HCN1: variants seen among roughly 807,000 people sequenced by gnomAD.
HCN1 encodes the protein potassium/sodium hyperpolarization-activated cyclic nucleotide-gated channel 1.
Under a neutral mutation model 78.9 loss-of-function variants are expected in HCN1, and 13 were observed. That is an observed-to-expected ratio of 0.16 (90% CI 0.11 to 0.26). The LOEUF is 0.26. Among genes scored for constraint, HCN1 ranks in the 10% least tolerant of loss-of-function variants. The pLI is 1.00. For synonymous variants in HCN1, 552 were observed against 455.5 expected, an observed-to-expected ratio of 1.21 and a Z score of -2.70; for missense variants, 810 against 1,154.3, an observed-to-expected ratio of 0.70 and a Z score of 4.32.
chr5:45,300,641 T>C (rs1745594649), intron 6 of HCN1, among the ~76,000 whole-genome samples: 1 of 152,144 alleles, frequency 6.6e-6, no homozygotes, highest in Non-Finnish European at 1.5e-5. Context: ...TAGGCTACTA[T>C]TGTCAAGATT....
Position 45,261,954 on chromosome 5 carries a change from G to C in HCN1, c.2640C>G (p.Asp880Glu). ...ESSSVLNTDPDAEKPRFASNL is the reference protein window; with the variant it reads ...ESSSVLNTDPEAEKPRFASNL ...TTGAAGCAAATCGTGGCTTTTCTGC[G>C]TCTGGGTCTGTGTTTAAGACTGAGG... Residue 880 changes from aspartate to glutamate, a missense_variant, in exon 8 of 8, where the codon GAC becomes GAG. Physicochemically the swap from Asp to Glu is conservative, Grantham distance 45 (BLOSUM62 2). Around this residue, in one of 6 missense-constraint regions of HCN1, gnomAD observed 398 missense variants for 381.3 expected, o/e 1.04. Coordinates refer to ENST00000303230, the MANE Select transcript of HCN1 (RefSeq NM_021072.4). The C allele has an allele frequency of 6.2e-7, 1 of 1,614,082 alleles. No homozygotes were observed. Among genetic ancestry groups the C allele is most frequent in the Non-Finnish European group, 8.5e-7 (1 of 1,180,024 alleles).
intron 6 of HCN1, among the ~76,000 whole-genome samples, chr5:45,270,546 T>A (rs576368251): frequency 1.3e-5 from 2 of 152,318 alleles, no homozygotes; most frequent in South Asian, 4.1e-4. Flanking sequence ...TAGAAACATG[T>A]CCCTTTGTCT....
chr5:45,328,450 C>A (rs1746278158), intron 5 of HCN1, among the ~76,000 whole-genome samples: 1 of 151,538 alleles, frequency 6.6e-6, no homozygotes, highest in African/African-American at 2.4e-5. Flanking sequence ...AACTTAATTA[C>A]CTCTTCAAAT....
chr5:45,444,437 A>T (rs1740743173), intron 3 of HCN1, among the ~76,000 whole-genome samples: 1 of 152,160 alleles, frequency 6.6e-6, no homozygotes, highest in Non-Finnish European at 1.5e-5. Context: ...TTTTAATAAA[A>T]ATATTATTGT....
intron 2 of HCN1, among the ~76,000 whole-genome samples, chr5:45,591,585 G>T (rs775936610): frequency 2.0e-5 from 3 of 152,138 alleles, no homozygotes; most frequent in Non-Finnish European, 2.9e-5. Context: ...TGAAGTGTTT[G>T]TTAAGGTCTT....
At chr5:45,496,655 G>A (rs1307147652) in intron 2 of HCN1, among the ~76,000 whole-genome samples, 2 of 152,062 alleles carry the variant, frequency 1.3e-5, no homozygotes, top group African/African-American at 4.8e-5. Context: ...CAAAAAACCA[G>A]CTCCTGGATT....
At chr5:45,510,453 T>C (rs993875411) in intron 2 of HCN1, among the ~76,000 whole-genome samples, 2 of 152,094 alleles carry the variant, frequency 1.3e-5, no homozygotes, top group Non-Finnish European at 2.9e-5. Context: ...GCTCCTACTA[T>C]AGAGTCCGGC....
intron 2 of HCN1, among the ~76,000 whole-genome samples, chr5:45,609,066 G>A (rs1236477560): frequency 6.6e-6 from 1 of 152,012 alleles, no homozygotes; most frequent in Non-Finnish European, 1.5e-5. Flanking sequence ...ATGAAAAGAA[G>A]ACAGTATTAT....
intron 5 of HCN1, among the ~76,000 whole-genome samples, chr5:45,321,376 C>T (rs186597885): frequency 6.2e-4 from 94 of 151,810 alleles, no homozygotes; most frequent in Non-Finnish European, 1.1e-3. Context: ...GAAAGTGGTG[C>T]TTAGAGAGAG....
chr5:45,472,691 CTATA>C, intron 2 of HCN1, among the ~76,000 whole-genome samples: 1 of 151,586 alleles, frequency 6.6e-6, no homozygotes, highest in Non-Finnish European at 1.5e-5. Flanking sequence ...TTTGGTATGA[CTATA>C]TATTGTTTCC....
chr5:45,386,410 T>C (rs1017276776), intron 4 of HCN1, among the ~76,000 whole-genome samples: 4 of 151,934 alleles, frequency 2.6e-5, no homozygotes, highest in African/African-American at 4.8e-5. Flanking sequence ...AACTCCCTGG[T>C]TCAAGCAATC....
At chr5:45,599,580 G>A (rs1284492398) in intron 2 of HCN1, among the ~76,000 whole-genome samples, 1 of 152,008 alleles carries the variant, frequency 6.6e-6, no homozygotes, top group Admixed American at 6.6e-5. Flanking sequence ...AAACTGCTGA[G>A]GCTACCACTT....
chr5:45,337,840 T>C (rs1262640907), intron 5 of HCN1, among the ~76,000 whole-genome samples: 2 of 152,092 alleles, frequency 1.3e-5, no homozygotes, highest in Non-Finnish European at 2.9e-5. Context: ...ATTTGAACAA[T>C]AAGAATGGGC....
intron 6 of HCN1, among the ~76,000 whole-genome samples, chr5:45,275,599 T>G (rs1745040203): frequency 6.6e-6 from 1 of 152,178 alleles, no homozygotes; most frequent in Non-Finnish European, 1.5e-5. Context: ...AAATCAGCTT[T>G]ACATAATACT....
At chr5:45,371,268 C>A (rs533479727) in intron 4 of HCN1, among the ~76,000 whole-genome samples, 6 of 151,958 alleles carry the variant, frequency 3.9e-5, no homozygotes, top group Non-Finnish European at 7.4e-5. Flanking sequence ...CAGGAAATAA[C>A]CAAAATCAAA....
At chr5:45,589,132 C>T (rs1402436640) in intron 2 of HCN1, among the ~76,000 whole-genome samples, 2 of 152,152 alleles carry the variant, frequency 1.3e-5, no homozygotes, top group Admixed American at 6.6e-5. Context: ...AAGATTCCCT[C>T]TCTAGTGTAA....
chr5:45,481,038 A>T (rs2111674677), intron 2 of HCN1, among the ~76,000 whole-genome samples: 1 of 152,348 alleles, frequency 6.6e-6, no homozygotes, highest in Non-Finnish European at 1.5e-5. Context: ...CATGGCAGAG[A>T]ATAGAACAGA....
intron 2 of HCN1, among the ~76,000 whole-genome samples, chr5:45,533,387 A>T (rs113818915): frequency 0.099 from 15,102 of 152,140 alleles, 947 homozygotes; most frequent in Middle Eastern, 0.17. Flanking sequence ...TATTCCAGGG[A>T]GCTGCCTAAT....
intron 2 of HCN1, among the ~76,000 whole-genome samples, chr5:45,594,973 C>A (rs149274449): frequency 2.6e-5 from 4 of 152,174 alleles, no homozygotes; most frequent in Admixed American, 2.0e-4. Flanking sequence ...GAGCTCAGGG[C>A]AGATGTGGTG....
Sources: allele counts gnomAD v4.1 joint callset (sites outside exome capture counted in the v4.1 genomes callset), GRCh38; gene constraint gnomAD v4.1.1; regional missense constraint gnomAD v4.1.1; transcripts MANE v1.5; gene names NCBI Gene and HGNC (gene_info 2026-07-23, HGNC 2026-07-21).